The following OR2L13 variants were observed in gnomAD, a reference collection of about 807,000 sequenced individuals.
OR2L13 encodes olfactory receptor 2L13.
Under a neutral mutation model 15.3 loss-of-function variants are expected in OR2L13, and 14 were observed. The observed-to-expected ratio is 0.91, with a 90% CI of 0.60 to 1.43. The LOEUF is 1.43. OR2L13 is among the 40% of genes most tolerant of loss of function. The pLI, the probability that OR2L13 is intolerant of heterozygous loss-of-function variation, is 0.00. For missense variants in OR2L13, 367 were observed against 387.9 expected (o/e 0.95, Z 0.45); for synonymous variants, 152 against 142.9 (o/e 1.06, Z -0.45).
the OR2L13 span, chr1:248,084,640 A>G: frequency 3.9e-6 from 6 of 1,547,908 alleles, no homozygotes; most frequent in Non-Finnish European, 5.2e-6. Flanking sequence ...ATAGAGAAGG[A>G]AGAGGCTTTT....
chr1:248,022,312 A>C, the OR2L13 span: 1 of 1,614,090 alleles, frequency 6.2e-7, no homozygotes, highest in Non-Finnish European at 8.5e-7. Context: ...TATGATCGTT[A>C]TGTGGCCATT....
At chr1:248,017,732 G>C in the OR2L13 span, among the ~76,000 whole-genome samples, 1 of 152,210 alleles carries the variant, frequency 6.6e-6, no homozygotes. Context: ...GGCAGAGCTG[G>C]GTTGTAAATT....
the OR2L13 span, among the ~76,000 whole-genome samples, chr1:247,943,117 C>A: frequency 6.6e-6 from 1 of 152,118 alleles, no homozygotes; most frequent in Non-Finnish European, 1.5e-5. Context: ...TGAGCACTTT[C>A]TTTCTTTCTG....
At chr1:248,095,726 C>G (rs1324877205), upstream of OR2L13, among the ~76,000 whole-genome samples, 1 of 148,090 alleles carries the variant, frequency 6.8e-6, no homozygotes, top group Non-Finnish European at 1.5e-5. Context: ...TCTGCCTCAG[C>G]CTCCCGAGTG....
the OR2L13 span, among the ~76,000 whole-genome samples, chr1:247,983,935 A>T: frequency 1.3e-5 from 2 of 152,136 alleles, no homozygotes; most frequent in Admixed American, 6.5e-5. Context: ...CGTGAATGAC[A>T]TGCAGGGAGT....
the OR2L13 span, among the ~76,000 whole-genome samples, chr1:247,944,852 T>G: frequency 6.6e-6 from 1 of 152,148 alleles, no homozygotes; most frequent in Non-Finnish European, 1.5e-5. Flanking sequence ...TGGTGGTATT[T>G]CCCTTATGGT....
chr1:247,963,152 G>A, the OR2L13 span, among the ~76,000 whole-genome samples: 3 of 152,184 alleles, frequency 2.0e-5, no homozygotes, highest in Non-Finnish European at 4.4e-5. Context: ...CAGAGTAGCA[G>A]CATGAGCTTA....
At chr1:247,940,741 T>TGC in the OR2L13 span, among the ~76,000 whole-genome samples, 1 of 150,632 alleles carries the variant, frequency 6.6e-6, no homozygotes, top group Non-Finnish European at 1.5e-5. Context: ...CGTGTGTGTG[T>TGC]GTGTGTGTGT....
chr1:248,016,018 G>A, the OR2L13 span, among the ~76,000 whole-genome samples: 342 of 152,200 alleles, frequency 2.2e-3, 1 homozygote, highest in African/African-American at 8.1e-3. Context: ...CATGAATAAC[G>A]CTCTTCAAAT....
At chr1:247,960,485 A>C in the OR2L13 span, among the ~76,000 whole-genome samples, 3 of 152,150 alleles carry the variant, frequency 2.0e-5, no homozygotes, top group Non-Finnish European at 2.9e-5. Flanking sequence ...AGGGACCTTT[A>C]AGTCTGCAGA....
At chr1:248,024,468 T>C in the OR2L13 span, among the ~76,000 whole-genome samples, 40 of 152,324 alleles carry the variant, frequency 2.6e-4, no homozygotes, top group Middle Eastern at 6.8e-3. Flanking sequence ...AATGCATTTT[T>C]ATTAAAATAC....
At chr1:247,979,467 C>A in the OR2L13 span, among the ~76,000 whole-genome samples, 5,900 of 152,198 alleles carry the variant, frequency 0.039, 356 homozygotes, top group African/African-American at 0.13. Context: ...CAGCTTCGTC[C>A]ATGTCCCTGC....
the OR2L13 span, chr1:248,084,117 G>A: frequency 7.8e-4 from 1,258 of 1,609,512 alleles, no homozygotes; most frequent in South Asian, 6.7e-3. Flanking sequence ...GCTCAGGGTA[G>A]CAACAGCCTG....
chr1:248,050,490 A>G, the OR2L13 span, among the ~76,000 whole-genome samples: 3 of 152,076 alleles, frequency 2.0e-5, no homozygotes, highest in Non-Finnish European at 4.4e-5. Flanking sequence ...AATATTATAT[A>G]ATAGGACATT....
chr1:248,033,423 T>TTTC, the OR2L13 span, among the ~76,000 whole-genome samples: 1 of 152,000 alleles, frequency 6.6e-6, no homozygotes, highest in East Asian at 1.9e-4. Context: ...CTGTTTTCTA[T>TTTC]TTCTTCTTCT....
At chr1:248,001,302 TCACG>T in the OR2L13 span, among the ~76,000 whole-genome samples, 192 of 152,148 alleles carry the variant, frequency 1.3e-3, 1 homozygote, top group African/African-American at 4.4e-3. Flanking sequence ...CTGTGAAAGT[TCACG>T]CCTCCCTCCT....
At chr1:248,062,298 T>C in the OR2L13 span, 1 of 152,234 alleles carries the variant, frequency 6.6e-6, no homozygotes, top group African/African-American at 2.4e-5. Context: ...ATAAAAATGA[T>C]TACATTTAGG....
At chr1:248,050,788 G>T in the OR2L13 span, among the ~76,000 whole-genome samples, 1 of 151,838 alleles carries the variant, frequency 6.6e-6, no homozygotes, top group Admixed American at 6.6e-5. Flanking sequence ...ACGGAGTATT[G>T]GATTAATCTT....
the OR2L13 span, among the ~76,000 whole-genome samples, chr1:247,994,812 C>T: frequency 6.6e-6 from 1 of 152,062 alleles, no homozygotes; most frequent in African/African-American, 2.4e-5. Context: ...GTAATCATTT[C>T]AATATGTATA....
Sources: allele counts gnomAD v4.1 joint callset (sites outside exome capture counted in the v4.1 genomes callset), GRCh38; gene constraint gnomAD v4.1.1; transcripts MANE v1.5; gene names NCBI Gene and HGNC (gene_info 2026-07-23, HGNC 2026-07-21).